Variants in AKAP13 observed in about 807,000 individuals in gnomAD.
The protein encoded by AKAP13 is A-kinase anchor protein 13.
Under a neutral mutation model 264.5 loss-of-function variants are expected in AKAP13, and 80 were observed. The ratio of observed to expected loss-of-function variants is 0.30; its 90% CI spans 0.25 to 0.36. The LOEUF is 0.36. Ranked by LOEUF, AKAP13 falls within the 10% of genes least tolerant of loss-of-function variation. The pLI, the probability that AKAP13 is intolerant of heterozygous loss-of-function variation, is 1.00. For missense variants in AKAP13, 3,712 were observed against 3,435.2 expected (o/e 1.08, Z -2.01); for synonymous variants, 1,380 against 1,250.2 (o/e 1.10, Z -2.19).
intron 3 of AKAP13, among the ~76,000 whole-genome samples, chr15:85,530,168 G>A (rs1006722796): frequency 3.9e-5 from 6 of 151,960 alleles, no homozygotes; most frequent in African/African-American, 1.5e-4. Context: ...CACAACCCCC[G>A]CGCCCCAACA....
intron 5 of AKAP13, among the ~76,000 whole-genome samples, chr15:85,558,396 G>T (rs1437282308): frequency 6.6e-6 from 1 of 152,062 alleles, no homozygotes; most frequent in Non-Finnish European, 1.5e-5. Context: ...CAGGTCAGTG[G>T]GCTATATAAA....
At chr15:85,437,196 A>G (rs1471717206) in intron 1 of AKAP13, among the ~76,000 whole-genome samples, 3 of 149,122 alleles carry the variant, frequency 2.0e-5, no homozygotes, top group African/African-American at 7.4e-5. Flanking sequence ...AAACACCTCT[A>G]CGCAAATAAA....
chr15:85,497,942 C>G (rs976921184), intron 2 of AKAP13, among the ~76,000 whole-genome samples: 1 of 151,930 alleles, frequency 6.6e-6, no homozygotes, highest in Non-Finnish European at 1.5e-5. Flanking sequence ...ATCACTTCAC[C>G]GTTACAGCAC....
At chr15:85,492,376 C>T (rs1330116510) in intron 2 of AKAP13, among the ~76,000 whole-genome samples, 1 of 152,136 alleles carries the variant, frequency 6.6e-6, no homozygotes, top group East Asian at 1.9e-4. Context: ...AGCGAGACCC[C>T]ATCTCAAAAA....
intron 4 of AKAP13, among the ~76,000 whole-genome samples, chr15:85,542,228 C>A (rs1209401216): frequency 2.0e-5 from 3 of 152,206 alleles, no homozygotes; most frequent in Non-Finnish European, 2.9e-5. Flanking sequence ...TGTACCTGCA[C>A]ATGTAGTTGT....
At chr15:85,430,715 A>G (rs145387302) in intron 1 of AKAP13, among the ~76,000 whole-genome samples, 96 of 152,284 alleles carry the variant, frequency 6.3e-4, no homozygotes, top group African/African-American at 2.2e-3. Context: ...GTGTATAACA[A>G]CTAGCATTTG....
chr15:85,554,680 A>G (rs2078078223), intron 5 of AKAP13, among the ~76,000 whole-genome samples: 1 of 152,102 alleles, frequency 6.6e-6, no homozygotes, highest in Non-Finnish European at 1.5e-5. Context: ...CAGTCACAAT[A>G]TATCAATCGT....
chr15:85,477,575 T>C (rs2075210158), intron 1 of AKAP13, among the ~76,000 whole-genome samples: 1 of 151,418 alleles, frequency 6.6e-6, no homozygotes, highest in Admixed American at 6.6e-5. Context: ...AGTGCTGCTT[T>C]TTGTGAATCT....
chr15:85,497,067 T>A (rs2075891156), intron 2 of AKAP13, among the ~76,000 whole-genome samples: 1 of 152,188 alleles, frequency 6.6e-6, no homozygotes, highest in Non-Finnish European at 1.5e-5. Context: ...ACAGGATACT[T>A]TTTCAATAAC....
intron 8 of AKAP13, chr15:85,621,208 T>G (rs1005342875): frequency 4.6e-5 from 7 of 152,220 alleles, no homozygotes; most frequent in African/African-American, 1.4e-4. Flanking sequence ...CTCAGAAGGC[T>G]AGACACAAAA....
In AKAP13 at chr15:85,662,536, G is replaced by A. The variant is rs189984864; in HGVS notation, c.4800-2027G>A. ...GGCTTTTGGCTTGGAGCTGGCTTCTGTGTGGCTGGGATGCATATGGGCAGC... is the reference window on the plus strand; with the variant it reads ...GGCTTTTGGCTTGGAGCTGGCTTCTATGTGGCTGGGATGCATATGGGCAGC... On this transcript the variant is annotated intron_variant, in intron 12 of 36. Coordinates refer to ENST00000394518, the MANE Select transcript of AKAP13 (RefSeq NM_007200.5). The A allele has an allele frequency of 6.0e-4, 908 of 1,519,384 alleles. 6 individuals are homozygous for A. The African/African-American group carries it at 0.01, about 18-fold the overall frequency. The allele number at this position is 1,519,384 out of a possible 1,614,324, so 94.1% of individuals were successfully genotyped here. A position where few individuals can be genotyped will look rare whatever the true frequency, so the allele number is the denominator to read the frequency against.
intron 3 of AKAP13, among the ~76,000 whole-genome samples, chr15:85,528,520 A>G (rs917728925): frequency 5.9e-5 from 9 of 152,212 alleles, no homozygotes; most frequent in African/African-American, 9.6e-5. Context: ...GCACAGCTCT[A>G]ATGTTTTTAA....
chr15:85,537,540 A>T (rs1471639193), intron 4 of AKAP13, among the ~76,000 whole-genome samples: 1 of 152,216 alleles, frequency 6.6e-6, no homozygotes, highest in East Asian at 1.9e-4. Context: ...TCCTCAGAAA[A>T]AAATGTTTAT....
intron 1 of AKAP13, among the ~76,000 whole-genome samples, chr15:85,481,754 C>T (rs1479919750): frequency 6.6e-6 from 1 of 152,186 alleles, no homozygotes; most frequent in Non-Finnish European, 1.5e-5. Flanking sequence ...TCTTTAAATA[C>T]TAGGCAACCT....
chr15:85,635,078 G>A lies in AKAP13; in HGVS notation c.4162-4296G>A, dbSNP rs531914438. The A allele has an allele frequency of 2.0e-4, 81 of 398,012 alleles. 1 individual carries two copies. The East Asian group carries it at 2.5e-3, about 12-fold the overall frequency. 24.7% of individuals were successfully genotyped at this position (398,012 alleles called of 1,614,324 possible). On this transcript the variant is annotated intron_variant, in intron 8 of 36. Coordinates refer to ENST00000394518, the MANE Select transcript of AKAP13 (RefSeq NM_007200.5). ...TGACAGTAGGTTTTGATTCTTCTTCGGTAAATGAATGGAATGCTATGTTGT... is the reference window on the plus strand; with the variant it reads ...TGACAGTAGGTTTTGATTCTTCTTCAGTAAATGAATGGAATGCTATGTTGT...
chr15:85,718,959 C>T lies in AKAP13; in HGVS notation c.6002-117C>T, dbSNP rs1215292331. 6.3e-6 allele frequency: 9 copies of T among 1,422,526 alleles called. No homozygotes were observed. Among genetic ancestry groups the T allele is most frequent in the Non-Finnish European group, 8.5e-6 (9 of 1,058,252 alleles). 88.1% of individuals were successfully genotyped at this position (1,422,526 alleles called of 1,614,324 possible). A position where few individuals can be genotyped will look rare whatever the true frequency, so the allele number is the denominator to read the frequency against. On this transcript the variant is annotated intron_variant, in intron 22 of 36. Transcript: ENST00000394518. This position sits in a 1 kb window ranked among gnomAD's most constrained non-coding sequence, Gnocchi z 4.9. ...TTTTAGGGGAAAGATAGCTGTTGAC[C>T]CAATTTTAAGGTTCAAATTGGGCTC...
intron 14 of AKAP13, among the ~76,000 whole-genome samples, chr15:85,680,161 A>G (rs894208650): frequency 6.6e-6 from 1 of 152,186 alleles, no homozygotes; most frequent in African/African-American, 2.4e-5. Context: ...TATTTAGTTC[A>G]TATTACTAGG....
chr15:85,500,614 T>C (rs1338785302), intron 2 of AKAP13, among the ~76,000 whole-genome samples: 1 of 152,212 alleles, frequency 6.6e-6, no homozygotes, highest in Non-Finnish European at 1.5e-5. Context: ...CACGAATTTA[T>C]TGATTGATCG....
At chr15:85,720,348 A>C (rs1784911104) in intron 23 of AKAP13, among the ~76,000 whole-genome samples, 1 of 152,122 alleles carries the variant, frequency 6.6e-6, no homozygotes, top group South Asian at 2.1e-4. Context: ...TGTGTCTAAA[A>C]ACCAGCTGAA....
Sources: gnomAD v4.1 joint callset for allele counts (sites outside exome capture counted in the v4.1 genomes callset) on GRCh38, gnomAD v4.1.1 for gene constraint, Gnocchi (gnomAD v3.1) non-coding constraint, MANE v1.5 for transcripts, NCBI Gene and HGNC (gene_info 2026-07-23, HGNC 2026-07-21) for gene names.